Variants in UAP1L1 observed in about 807,000 individuals in gnomAD.
UAP1L1 encodes UDP-N-acetylglucosamine pyrophosphorylase 1 like 1, also known as UDP-N-acetylhexosamine pyrophosphorylase-like protein 1.
A neutral mutation model predicts 45.3 loss-of-function variants in UAP1L1; 45 were observed. The ratio of observed to expected loss-of-function variants is 0.99; its 90% CI spans 0.78 to 1.27. The LOEUF (loss-of-function observed/expected upper bound fraction) is 1.27, where lower values mean the gene tolerates loss of function less well. Among genes scored for constraint, UAP1L1 ranks in the 50% most tolerant of loss-of-function variants. The probability of loss-of-function intolerance (pLI) is 0.00; values close to 1 mark genes in which losing one functional copy is unlikely to be tolerated. For missense variants in UAP1L1, 667 were observed against 694.0 expected (o/e 0.96, Z 0.44); for synonymous variants, 323 against 303.9 (o/e 1.06, Z -0.65).
chr9:137,078,138 T>C lies in UAP1L1; in HGVS notation c.378T>C (p.Gly126=). The change falls in exon 2 of 9, where the codon GGT becomes GGC. Residue 126 remains glycine, a synonymous_variant. Coordinates refer to ENST00000409858, the MANE Select transcript of UAP1L1 (RefSeq NM_207309.3). ...GCCTGGGCGTGACCTACCCCAAGGG[T>C]ATGTACCGTGTGGGGCTGCCCAGCC... The part of the protein sequence containing the change: ...GTRLGVTYPK[G]MYRVGLPSRK... The C allele has an allele frequency of 6.5e-7, 1 of 1,550,132 alleles. No individual in the cohort carries two copies.
At chr9:137,079,547 C>CGGCTGTGGTCAGGAGT (rs1010454234) in intron 5 of UAP1L1, 98 bp downstream of exon 5, 3 of 1,248,574 alleles carry the variant, frequency 2.4e-6, no homozygotes, top group African/African-American at 3.0e-5. Context: ...TGGGCCACAG[C>CGGCTGTGGTCAGGAGT]GGCTGTGGTC....
chr9:137,080,575 T>C, intron 6 of UAP1L1, 114 bp from the exon 7 acceptor site: 1 of 1,085,354 alleles, frequency 9.2e-7, no homozygotes, highest in East Asian at 2.4e-5. Context: ...TCCCTAGACT[T>C]GCTGCCCATG....
rs1832748314 is a variant in UAP1L1 at position 137,079,159 on chromosome 9, G to C, written c.843+11G>C. On this transcript the variant is annotated intron_variant, in intron 4 of 8. Coordinates refer to ENST00000409858, the MANE Select transcript of UAP1L1 (RefSeq NM_207309.3). ...GACTGTGGCGCCAAGGTTAGCGCCC[G>C]ACTGCGCGGCGCCCCGCACCCGAGG... The C allele has an allele frequency of 2.5e-6, 4 of 1,606,314 alleles. No individual in the cohort carries two copies. The highest frequency in any genetic ancestry group is 3.4e-6 in the Non-Finnish European group (4 of 1,177,876).
At chr9:137,080,361 G>C (rs1292586290) in intron 6 of UAP1L1, 4 of 617,420 alleles carry the variant, frequency 6.5e-6, no homozygotes, top group Non-Finnish European at 1.1e-5. Flanking sequence ...TGGGAGGACA[G>C]TAGTGCCACC....
Position 137,080,041 on chromosome 9 carries a change from G to A in UAP1L1, c.1077G>A (p.Lys359=), listed in dbSNP as rs774119945. 1 of 1,614,128 alleles carries A rather than the reference G, an allele frequency of 6.2e-7. No homozygotes were observed. Among genetic ancestry groups the A allele is most frequent in the South Asian group, 1.1e-5 (1 of 91,088 alleles). ...TGCTGAAGCCACACGTGGCTGTGAA[G>A]AAGGTCCCGTATGTGGATGAGGAGG... ...EPLLKPHVAV[K]KVPYVDEEGN... Residue 359 remains lysine, a synonymous_variant, in exon 6 of 9, where the codon AAG becomes AAA. Transcript: ENST00000409858.
At chr9:137,079,769 C>T (rs775011088) in intron 5 of UAP1L1, 1 of 612,094 alleles carries the variant, frequency 1.6e-6, no homozygotes. Flanking sequence ...AGTTTGTTTG[C>T]CTGGGCAGGG....
chr9:137,078,902 C>T, intron 3 of UAP1L1, 74 bp from the exon 4 acceptor site: 1 of 1,507,618 alleles, frequency 6.6e-7, no homozygotes, highest in Non-Finnish European at 8.9e-7. Flanking sequence ...TCCCCCGCCT[C>T]CAGCACGTCC....
rs1475448848 is a variant in UAP1L1, at chr9:137,078,240, C to G, written c.480C>G (p.Arg160=). 3.9e-6 allele frequency: 6 copies of G among 1,544,792 alleles called. No individual in the cohort carries two copies. The highest frequency in any genetic ancestry group is 5.2e-6 in the Non-Finnish European group (6 of 1,145,034). Residue 160 remains arginine (R), a synonymous_variant, in exon 2 of 9, where the codon CGC becomes CGG. Transcript: ENST00000409858. The part of the protein sequence containing the change: ...EQLAGERHGT[R]CTVPWYVMTS... ...TGGCCGGTGAGCGCCACGGGACCCG[C>G]TGCACCGTCCCCTGGTGTGTCCTGC...
Position 137,082,469 on chromosome 9 carries a change from T to C in UAP1L1, c.1432-168T>C. 1.6e-6 allele frequency: 1 copy of C among 622,868 alleles called. No homozygotes were observed. The highest frequency in any genetic ancestry group is 2.9e-6 in the Non-Finnish European group (1 of 349,818). 38.6% of individuals were successfully genotyped at this position (622,868 alleles called of 1,614,324 possible). A position where few individuals can be genotyped will look rare whatever the true frequency, so the allele number is the denominator to read the frequency against. On this transcript the variant is annotated intron_variant, in intron 8 of 8. Transcript: ENST00000409858. This position sits in a 1 kb window ranked among gnomAD's most constrained non-coding sequence, Gnocchi z 5.7. ...GTCTTGAGTGTGGTCTTGGGTGGCC[T>C]TGCAGTGTGTGTCTGCTCCTGGCCC... is the stretch of plus-strand genomic sequence containing the variant.
chr9:137,078,098 G>A lies in UAP1L1; in HGVS notation c.338G>A (p.Gly113Glu), dbSNP rs1226253400. ...LNKVAVLLLA[G>E]GQGTRLGVTY... ...AAGGTGGCCGTCCTGCTGCTGGCTGGGGGGCAGGGCACTCGCCTGGGCGTG... is the reference window on the plus strand; with the variant it reads ...AAGGTGGCCGTCCTGCTGCTGGCTGAGGGGCAGGGCACTCGCCTGGGCGTG... The change falls in exon 2 of 9, where the codon GGG (glycine) becomes GAG (glutamate). Residue 113 changes from glycine to glutamate, a missense_variant. Coordinates refer to ENST00000409858, the MANE Select transcript of UAP1L1 (RefSeq NM_207309.3). 3.0e-5 allele frequency: 47 copies of A among 1,550,210 alleles called. No individual in the cohort carries two copies. The highest frequency in any genetic ancestry group is 3.9e-5 in the Non-Finnish European group (45 of 1,146,882).
intron 5 of UAP1L1, 133 bp from the exon 6 acceptor site, chr9:137,079,869 G>A: frequency 7.4e-6 from 8 of 1,082,536 alleles, no homozygotes; most frequent in African/African-American, 1.6e-5. Context: ...CTACTCTGCC[G>A]CTTCTGTGCC....
chr9:137,080,334 C>T, intron 6 of UAP1L1, 192 bp downstream of exon 6: 1 of 677,168 alleles, frequency 1.5e-6, no homozygotes, highest in Non-Finnish European at 2.5e-6. Flanking sequence ...CATAGGGAGT[C>T]CTTGGGGCTG....
At position 137,082,550 on chromosome 9, in the gene UAP1L1, C is replaced by T. The variant is rs1832805930; in HGVS notation, c.1432-87C>T. 1 of 1,137,146 alleles carries T rather than the reference C, an allele frequency of 8.8e-7. No individual in the cohort carries two copies. Among genetic ancestry groups the T allele is most frequent in the East Asian group, 2.6e-5 (1 of 38,688 alleles). 70.4% of individuals were successfully genotyped at this position (1,137,146 alleles called of 1,614,324 possible). ...ACTCCAGGCAGACCTGGGATCGCAC[C>T]TGGGGACTGTGGCTCTTGGTGTGGC... On this transcript the variant is annotated intron_variant, in intron 8 of 8. Transcript: ENST00000409858. This position sits in a 1 kb window ranked among gnomAD's most constrained non-coding sequence, Gnocchi z 5.7.
At chr9:137,080,191 T>C in intron 6 of UAP1L1, 49 bp downstream of exon 6, 1 of 1,606,744 alleles carries the variant, frequency 6.2e-7, no homozygotes, top group African/African-American at 1.3e-5. Flanking sequence ...CTCTCAGTTT[T>C]GGTGGTGGGA....
At chr9:137,080,958 G>C in intron 7 of UAP1L1, 84 bp downstream of exon 7, 1 of 1,340,432 alleles carries the variant, frequency 7.5e-7, no homozygotes, top group South Asian at 1.5e-5. Context: ...TGTTGGCTCT[G>C]CGACAGCCAT....
Position 137,078,539 on chromosome 9 carries a change from G to A in UAP1L1, c.532G>A (p.Ala178Thr). The A allele has an allele frequency of 6.8e-6, 11 of 1,613,176 alleles. No homozygotes were observed. Among genetic ancestry groups the A allele is most frequent in the Non-Finnish European group, 9.3e-6 (11 of 1,180,018 alleles). The change falls in exon 3 of 9, where the codon GCC (alanine) becomes ACC (threonine). Residue 178 changes from alanine to threonine, a missense_variant. Ala to Thr is a moderately conservative substitution (Grantham distance 58, BLOSUM62 0). Coordinates refer to ENST00000409858, the MANE Select transcript of UAP1L1 (RefSeq NM_207309.3). ...MTSEFTLGPT[A>T]EFFREHNFFH... ...CAGCGAGTTCACTCTGGGGCCCACG[G>A]CCGAGTTCTTCAGGGAGCACAACTT... is the stretch of plus-strand genomic sequence containing the variant.
intron 1 of UAP1L1, 38 bp from the exon 2 acceptor site, chr9:137,078,012 G>T (rs1413477325): frequency 8.4e-6 from 13 of 1,542,104 alleles, no homozygotes; most frequent in Non-Finnish European, 1.1e-5. Context: ...AAGGGTGGGC[G>T]GGTCCCGGGC....
rs1256585525 is a variant in UAP1L1 at position 137,079,078 on chromosome 9, T to A, written c.773T>A (p.Ile258Asn). 6 of 1,610,724 alleles carry A rather than the reference T, an allele frequency of 3.7e-6. No individual in the cohort carries two copies. Among genetic ancestry groups the A allele is most frequent in the Non-Finnish European group, 4.2e-6 (5 of 1,179,212 alleles). The change falls in exon 4 of 9, where the codon ATC (isoleucine) becomes AAC (asparagine). Residue 258 changes from isoleucine to asparagine, a missense_variant. By Grantham distance (149) the Ile-to-Asn change is moderately radical. Transcript: ENST00000409858. ...EFVHVYCVDN[I>N]LVRLADPVFI... ...GTGCACGTGTACTGTGTGGACAACA[T>A]CCTGGTGCGGCTGGCGGACCCTGTC...
At position 137,080,780 on chromosome 9, in the gene UAP1L1, C is replaced by T. The variant is rs748371851; in HGVS notation, c.1270C>T (p.Arg424Cys). The T allele has an allele frequency of 9.3e-6, 15 of 1,612,704 alleles. No homozygotes were observed. Among genetic ancestry groups the T allele is most frequent in the South Asian group, 2.2e-5 (2 of 91,076 alleles). The change falls in exon 7 of 9, where the codon CGC becomes TGC. Residue 424 changes from arginine (R) to cysteine (C), a missense_variant. By Grantham distance (180) the Arg-to-Cys change is radical. Coordinates refer to ENST00000409858, the MANE Select transcript of UAP1L1 (RefSeq NM_207309.3). ...CGACAGGGACAGTCCCCGCACCGCT[C>T]GCCAGGCCCTGCTCACCCAGCACTA... Reference protein sequence around the residue: ...PADRDSPRTARQALLTQHYRW... With the variant: ...PADRDSPRTACQALLTQHYRW...
Sources: allele counts gnomAD v4.1 joint callset, GRCh38; gene constraint gnomAD v4.1.1; non-coding constraint Gnocchi (gnomAD v3.1); transcripts MANE v1.5; gene names NCBI Gene and HGNC (gene_info 2026-07-23, HGNC 2026-07-21).